The following DNER variants were observed in gnomAD, a reference collection of about 807,000 sequenced individuals.
DNER encodes the protein delta/notch like EGF repeat containing, also known as delta and Notch-like epidermal growth factor-related receptor.
A neutral mutation model predicts 78.2 loss-of-function variants in DNER; 33 were observed. The observed-to-expected ratio is 0.42, with a 90% CI of 0.32 to 0.56. The LOEUF (loss-of-function observed/expected upper bound fraction) is 0.56. Among genes scored for constraint, DNER ranks in the 20% least tolerant of loss-of-function variants. The probability of loss-of-function intolerance (pLI) is 0.11; values close to 1 mark genes in which losing one functional copy is unlikely to be tolerated. For missense variants in DNER, 918 were observed against 975.3 expected, an observed-to-expected ratio of 0.94 and a Z score of 0.78; for synonymous variants, 417 against 384.8, an observed-to-expected ratio of 1.08 and a Z score of -0.98.
At chr2:229,698,138 A>C (rs208786) in intron 1 of DNER, among the ~76,000 whole-genome samples, 64,049 of 152,072 alleles carry the variant, frequency 0.42, 15,373 homozygotes, top group Non-Finnish European at 0.56. Context: ...CAGGAGTTCA[A>C]GGCTGCGGTG....
At chr2:229,377,301 T>C (rs1177304134) in intron 11 of DNER, among the ~76,000 whole-genome samples, 1 of 152,212 alleles carries the variant, frequency 6.6e-6, no homozygotes, top group Non-Finnish European at 1.5e-5. Context: ...AACTGTTTAA[T>C]ATACAAAACT....
intron 5 of DNER, among the ~76,000 whole-genome samples, chr2:229,543,126 G>A (rs1161889262): frequency 6.6e-6 from 1 of 151,884 alleles, no homozygotes; most frequent in Admixed American, 6.6e-5. Flanking sequence ...CCTGCACGTT[G>A]TGCACATGTA....
At chr2:229,491,394 T>C (rs1350326577) in intron 6 of DNER, among the ~76,000 whole-genome samples, 1 of 152,186 alleles carries the variant, frequency 6.6e-6, no homozygotes, top group East Asian at 1.9e-4. Flanking sequence ...CTAATCCCAT[T>C]CATCAGGTGA....
rs1364797711 is a variant in DNER at position 229,714,547 on chromosome 2, C to A, written c.-124G>T. 6.8e-6 allele frequency: 7 copies of A among 1,022,022 alleles called. No individual in the cohort carries two copies. The highest frequency in any genetic ancestry group is 1.7e-5 in the African/African-American group (1 of 57,896). The allele number at this position is 1,022,022 out of a possible 1,614,324, so 63.3% of individuals were successfully genotyped here. On this transcript the variant is annotated 5_prime_UTR_variant, in exon 1 of 13. Coordinates refer to ENST00000341772, the MANE Select transcript of DNER (RefSeq NM_139072.4). Reference sequence around the variant, plus strand: ...GGCTGCTCCGCCGGGCCGGGCGCCTCCTGCAGCTGCGGGATCCGCGGTTCC... The same window carrying A: ...GGCTGCTCCGCCGGGCCGGGCGCCTACTGCAGCTGCGGGATCCGCGGTTCC...
intron 6 of DNER, among the ~76,000 whole-genome samples, chr2:229,505,177 A>AGTGTGTGTGTGTGTGTGTGTGTGTGT (rs144321798): frequency 9.5e-5 from 12 of 126,514 alleles, no homozygotes; most frequent in African/African-American, 3.2e-4. Flanking sequence ...GTGTTGCTGC[A>AGTGTGTGTGTGTGTGTGTGTGTGTGT]GTGTGTGTGT....
At chr2:229,648,240 C>G (rs997787955) in intron 1 of DNER, among the ~76,000 whole-genome samples, 10 of 152,110 alleles carry the variant, frequency 6.6e-5, no homozygotes, top group African/African-American at 2.2e-4. Context: ...CGGGACTGTA[C>G]CAGGATCATG....
At chr2:229,656,966 C>A (rs1698922517) in intron 1 of DNER, among the ~76,000 whole-genome samples, 1 of 143,520 alleles carries the variant, frequency 7.0e-6, no homozygotes, top group South Asian at 2.3e-4. Context: ...TTAACAAGAC[C>A]ATCACATCAC....
intron 11 of DNER, among the ~76,000 whole-genome samples, chr2:229,374,087 G>C (rs1167734559): frequency 3.9e-5 from 6 of 152,148 alleles, no homozygotes; most frequent in Admixed American, 1.3e-4. Context: ...AGAATGGCTT[G>C]AGCCTGGGAA....
At chr2:229,383,440 A>G (rs1692791360) in intron 11 of DNER, among the ~76,000 whole-genome samples, 8 of 152,256 alleles carry the variant, frequency 5.3e-5, no homozygotes, top group Admixed American at 5.2e-4. Flanking sequence ...AATGGGCTAA[A>G]TGCCTCAATT....
rs1448584339 is a variant in DNER at position 229,668,522 on chromosome 2, GTGTGTGTGTGTGTGTATATA to G, written c.276+45606_276+45625del. On this transcript the variant is annotated intron_variant, in intron 1 of 12. Coordinates refer to ENST00000341772, the MANE Select transcript of DNER (RefSeq NM_139072.4). ...TACCTATATATAGGTAAGTATGTGT[GTGTGTGTGTGTGTGTATATA>G]TATATATATATATATATATATATAT... 4.9e-3 allele frequency among the ~76,000 whole-genome samples: 438 copies of G among 89,336 alleles called. 4 individuals are homozygous for G. Among genetic ancestry groups the G allele is most frequent in the Non-Finnish European group, 6.6e-3 (321 of 48,854 alleles). The allele number at this position is 89,336 out of a possible 152,430, so 58.6% of individuals were successfully genotyped here. A position where few individuals can be genotyped will look rare whatever the true frequency, so the allele number is the denominator to read the frequency against.
chr2:229,516,800 A>AGAAAAG (rs1429832663), intron 5 of DNER, among the ~76,000 whole-genome samples: 1 of 131,240 alleles, frequency 7.6e-6, no homozygotes. Context: ...AAAAAAAAAA[A>AGAAAAG]AAAAGAAAAG....
chr2:229,460,186 T>C (rs547042406), intron 7 of DNER, among the ~76,000 whole-genome samples: 109 of 139,820 alleles, frequency 7.8e-4, no homozygotes, highest in Middle Eastern at 4.1e-3. Context: ...AAAAAAATTA[T>C]GAAATTTGAG....
rs749446179 is a variant in DNER, at chr2:229,512,808, G to C, written c.1122C>G (p.Ser374Arg). The change falls in exon 6 of 13, where the codon AGC (serine) becomes AGG (arginine). Residue 374 changes from serine to arginine, a missense_variant. Ser to Arg is a moderately radical substitution (Grantham distance 110, BLOSUM62 -1). Coordinates refer to ENST00000341772, the MANE Select transcript of DNER (RefSeq NM_139072.4). ...CAGGAAGGCAAACACAGGTGAAATTGCTCCCATCTTGCTTTTCATTTGCAT... is the reference window on the plus strand; with the variant it reads ...CAGGAAGGCAAACACAGGTGAAATTCCTCCCATCTTGCTTTTCATTTGCAT... ...CIDANEKQDG[S>R]NFTCVCLPGY... 10 of 1,614,142 alleles carry C rather than the reference G, an allele frequency of 6.2e-6. No individual in the cohort carries two copies. In the Admixed American group the frequency reaches 1.7e-4, roughly 27 times the overall value.
intron 1 of DNER, among the ~76,000 whole-genome samples, chr2:229,677,565 C>A (rs1699317567): frequency 6.6e-6 from 1 of 152,196 alleles, no homozygotes; most frequent in Admixed American, 6.5e-5. Flanking sequence ...AAGACCCACT[C>A]TCTTCTTTTC....
chr2:229,641,535 G>T (rs989505846), intron 1 of DNER, among the ~76,000 whole-genome samples: 2 of 108,042 alleles, frequency 1.9e-5, no homozygotes, highest in African/African-American at 7.5e-5. Context: ...ACACACACTT[G>T]CTCACCTAGT....
intron 5 of DNER, among the ~76,000 whole-genome samples, chr2:229,540,167 A>T (rs931077580): frequency 6.6e-6 from 1 of 152,236 alleles, no homozygotes; most frequent in Admixed American, 6.5e-5. Flanking sequence ...AGAAGCAGGA[A>T]GATTTTGAGC....
chr2:229,622,350 G>A (rs1019250076), intron 1 of DNER, among the ~76,000 whole-genome samples: 12 of 151,996 alleles, frequency 7.9e-5, no homozygotes, highest in African/African-American at 2.9e-4. Context: ...TGACCCCTTT[G>A]ACCCCCAAAG....
intron 5 of DNER, among the ~76,000 whole-genome samples, chr2:229,540,699 G>A (rs964141788): frequency 6.6e-6 from 1 of 152,196 alleles, no homozygotes; most frequent in Non-Finnish European, 1.5e-5. Context: ...CCAAAGGTAG[G>A]AAGAGATGTC....
intron 10 of DNER, among the ~76,000 whole-genome samples, chr2:229,389,076 A>G (rs2106336453): frequency 6.6e-6 from 1 of 151,784 alleles, no homozygotes; most frequent in East Asian, 2.0e-4. Flanking sequence ...TAAGGAGAGA[A>G]CTTGTGAAGT....
Sources: gnomAD v4.1 joint callset for allele counts (sites outside exome capture counted in the v4.1 genomes callset) on GRCh38, gnomAD v4.1.1 for gene constraint, MANE v1.5 for transcripts, NCBI Gene and HGNC (gene_info 2026-07-23, HGNC 2026-07-21) for gene names.